The following PLAT variants were observed in gnomAD, a reference collection of about 807,000 sequenced individuals.
PLAT encodes the protein plasminogen activator, tissue type, also known as tissue-type plasminogen activator.
In PLAT, 48 loss-of-function variants were observed where a neutral mutation model predicts 74.9. The observed-to-expected ratio is 0.64, with a 90% CI of 0.51 to 0.82. The LOEUF (loss-of-function observed/expected upper bound fraction) is 0.82. Among genes scored for constraint, PLAT ranks in the 40% least tolerant of loss-of-function variants. The pLI, the probability that PLAT is intolerant of heterozygous loss-of-function variation, is 0.00. For missense variants in PLAT, 673 were observed against 736.2 expected (o/e 0.91, Z 0.99); for synonymous variants, 307 against 294.4 (o/e 1.04, Z -0.44).
intron 2 of PLAT, among the ~76,000 whole-genome samples, chr8:42,192,395 A>G (rs1805722882): frequency 6.6e-6 from 1 of 152,106 alleles, no homozygotes; most frequent in African/African-American, 2.4e-5. Context: ...AAAAATAATA[A>G]TATAAGCTGG....
chr8:42,180,555 G>A lies in PLAT; in HGVS notation c.1020C>T (p.Phe340=). The change falls in exon 10 of 14, where the codon TTC becomes TTT. Residue 340 remains phenylalanine (F), a synonymous_variant. Coordinates refer to ENST00000220809, the MANE Select transcript of PLAT (RefSeq NM_000930.5). ...AKHRRSPGER[F]LCGGILISSC... ...AGCTGATGAGTATGCCCCCGCACAGGAACCGCTCTCCGGGCGACCTCCTGT... is the reference window on the plus strand; with the variant it reads ...AGCTGATGAGTATGCCCCCGCACAGAAACCGCTCTCCGGGCGACCTCCTGT... 6.2e-7 allele frequency: 1 copy of A among 1,614,168 alleles called. No homozygotes were observed. Among genetic ancestry groups the A allele is most frequent in the Non-Finnish European group, 8.5e-7 (1 of 1,180,034 alleles).
chr8:42,183,487 G>T (rs769772962), intron 7 of PLAT, among the ~76,000 whole-genome samples: 17 of 152,124 alleles, frequency 1.1e-4, no homozygotes, highest in Non-Finnish European at 1.3e-4. Context: ...GCCAGTAGGG[G>T]TTTCCTTGTG....
intron 1 of PLAT, among the ~76,000 whole-genome samples, chr8:42,198,351 G>T (rs1396007599): frequency 6.6e-6 from 1 of 152,176 alleles, no homozygotes; most frequent in Non-Finnish European, 1.5e-5. Context: ...AATTAGCTGG[G>T]CATGGTGGCG....
In PLAT at chr8:42,180,383, T is replaced by C; in HGVS notation, c.1086-5A>G. ...GTCAGGTGGTGGGGCGGAAACCTGG[T>C]GGAGAAACAGCCTTAGAATGCTTTT... On this transcript the variant is annotated splice_region_variant and splice_polypyrimidine_tract_variant and intron_variant, in intron 10 of 13. Transcript: ENST00000220809. The C allele has an allele frequency of 6.2e-7, 1 of 1,614,144 alleles. No individual in the cohort carries two copies. The highest frequency in any genetic ancestry group is 1.7e-5 in the Admixed American group (1 of 60,034).
chr8:42,185,333 C>G (rs1386145143), intron 6 of PLAT, 161 bp from the exon 7 acceptor site: 2 of 448,280 alleles, frequency 4.5e-6, no homozygotes, highest in East Asian at 7.1e-5. Flanking sequence ...GGCGCATCTC[C>G]TCTCACTGCA....
rs61755432 is a variant in PLAT, at chr8:42,178,946, C to G, written c.1481G>C (p.Gly494Ala). ...RTVTDNMLCA[G>A]DTRSGGPQAN... is the part of the protein sequence containing the mutation. ...CTGGGGCCCGCCGCTCCGAGTGTCT[C>G]CAGCACACAGCATGTTGTCGGTGAC... is the stretch of plus-strand genomic sequence containing the variant. The change falls in exon 13 of 14, where the codon GGA becomes GCA. Residue 494 changes from glycine (G) to alanine (A), a missense_variant. Coordinates refer to ENST00000220809, the MANE Select transcript of PLAT (RefSeq NM_000930.5). 2,168 of 1,614,062 alleles carry G rather than the reference C, an allele frequency of 1.3e-3. 5 individuals carry two copies. Among genetic ancestry groups the G allele is most frequent in the Non-Finnish European group, 1.6e-3 (1,912 of 1,180,014 alleles).
At chr8:42,183,212 A>G (rs1805321718) in intron 7 of PLAT, among the ~76,000 whole-genome samples, 1 of 152,170 alleles carries the variant, frequency 6.6e-6, no homozygotes, top group East Asian at 1.9e-4. Context: ...CATGTTGGCC[A>G]GGCTGGTCTT....
At position 42,199,181 on chromosome 8, in the gene PLAT, C is replaced by T. The variant is rs750698710; in HGVS notation, c.-26-5970G>A. ...ATCACATAAGTAATTCTTAACTTTT[C>T]GAAAAGGTGATTTTCTATAGGCTAA... is the stretch of plus-strand genomic sequence containing the variant. On this transcript the variant is annotated intron_variant, in intron 1 of 13. Transcript: ENST00000220809. Among the ~76,000 whole-genome samples the T allele has an allele frequency of 3.3e-5, 5 of 152,172 alleles. No individual in the cohort carries two copies. In the East Asian group the frequency reaches 7.7e-4, roughly 23 times the overall value.
chr8:42,193,310 C>G (rs779202829), intron 1 of PLAT, 99 bp from the exon 2 acceptor site: 5 of 724,160 alleles, frequency 6.9e-6, no homozygotes, highest in Non-Finnish European at 1.2e-5. Flanking sequence ...TGGCTTCCTC[C>G]AGTGCCAGCC....
chr8:42,180,456 G>C, intron 10 of PLAT, 34 bp downstream of exon 10: 1 of 1,613,604 alleles, frequency 6.2e-7, no homozygotes, highest in East Asian at 2.2e-5. Context: ...GGCGTTAGAG[G>C]GTGGAAAAAC....
rs758336862 is a variant in PLAT, at chr8:42,180,373, G to A, written c.1091C>T (p.Pro364Leu). 3 of 1,614,212 alleles carry A rather than the reference G, an allele frequency of 1.9e-6. No individual in the cohort carries two copies. Among genetic ancestry groups the A allele is most frequent in the Non-Finnish European group, 2.5e-6 (3 of 1,180,012 alleles). Residue 364 changes from proline to leucine, a missense_variant, in exon 11 of 14, where the codon CCG (proline) becomes CTG (leucine). By Grantham distance (98) the Pro-to-Leu change is moderately conservative. Coordinates refer to ENST00000220809, the MANE Select transcript of PLAT (RefSeq NM_000930.5). ...CAAGATCACCGTCAGGTGGTGGGGCGGAAACCTGGTGGAGAAACAGCCTTA... is the reference window on the plus strand; with the variant it reads ...CAAGATCACCGTCAGGTGGTGGGGCAGAAACCTGGTGGAGAAACAGCCTTA... ...SAAHCFQERFPPHHLTVILGR... is the reference protein window; with the variant it reads ...SAAHCFQERFLPHHLTVILGR...
At chr8:42,193,349 AG>A in intron 1 of PLAT, 138 bp from the exon 2 acceptor site, 1 of 614,416 alleles carries the variant, frequency 1.6e-6, no homozygotes, top group Non-Finnish European at 2.9e-6. Flanking sequence ...ACATGCATCT[AG>A]AAGAGGATTC....
intron 4 of PLAT, 86 bp downstream of exon 4, chr8:42,188,848 C>G (rs1162235417): frequency 2.5e-6 from 3 of 1,193,654 alleles, no homozygotes; most frequent in Non-Finnish European, 3.7e-6. Flanking sequence ...TGGTCTTGAA[C>G]TCCCGGGCTC....
At chr8:42,185,049 A>G (rs1805397159) in intron 7 of PLAT, 32 bp downstream of exon 7, 7 of 1,458,688 alleles carry the variant, frequency 4.8e-6, no homozygotes, top group Non-Finnish European at 6.6e-6. Context: ...CCCCAGGGAC[A>G]TTCAGGGAAA....
Position 42,180,507 on chromosome 8 carries a change from G to A in PLAT, c.1068C>T (p.Ala356=), listed in dbSNP as rs11537821. The A allele has an allele frequency of 6.2e-7, 1 of 1,614,056 alleles. No individual in the cohort carries two copies. The highest frequency in any genetic ancestry group is 1.1e-5 in the South Asian group (1 of 91,084). ...GCCCCTACCTCTCCTGGAAGCAGTGGGCGGCAGAGAGAATCCAGCAGGAGC... is the reference window on the plus strand; with the variant it reads ...GCCCCTACCTCTCCTGGAAGCAGTGAGCGGCAGAGAGAATCCAGCAGGAGC... ...LISSCWILSA[A]HCFQERFPPH... is the part of the protein sequence containing the mutation. The change falls in exon 10 of 14, where the codon GCC becomes GCT. Residue 356 remains alanine (A), a synonymous_variant. Transcript: ENST00000220809.
chr8:42,193,044 C>T, intron 2 of PLAT, 70 bp downstream of exon 2: 1 of 1,101,002 alleles, frequency 9.1e-7, no homozygotes, highest in Non-Finnish European at 1.4e-6. Flanking sequence ...CCCAGATGGA[C>T]ACAGACCCCT....
intron 1 of PLAT, among the ~76,000 whole-genome samples, chr8:42,194,704 G>A (rs909341341): frequency 1.3e-5 from 2 of 152,156 alleles, no homozygotes; most frequent in Admixed American, 1.3e-4. Context: ...GCCTTAGACT[G>A]CTCAGGTTCC....
Position 42,187,550 on chromosome 8 carries a change from C to T in PLAT, c.387G>A (p.Glu129=), listed in dbSNP as rs1207831505. The stretch of plus-strand genomic sequence containing the variant: ...TGCCCCTGTAGCTGATGCCCTGGTC[C>T]TCGTAGCACGTGGCCCTGGTATCTG... ...CEIDTRATCY[E]DQGISYRGTW... The change falls in exon 6 of 14, where the codon GAG becomes GAA. Residue 129 remains glutamate, a synonymous_variant. Coordinates refer to ENST00000220809, the MANE Select transcript of PLAT (RefSeq NM_000930.5). 6.2e-7 allele frequency: 1 copy of T among 1,603,454 alleles called. No homozygotes were observed. Among genetic ancestry groups the T allele is most frequent in the Admixed American group, 1.7e-5 (1 of 59,630 alleles).
At chr8:42,196,783 T>C (rs1221675102) in intron 1 of PLAT, among the ~76,000 whole-genome samples, 1 of 151,170 alleles carries the variant, frequency 6.6e-6, no homozygotes, top group Non-Finnish European at 1.5e-5. Context: ...TTTTGTTCTG[T>C]GTTATCTCCC....
Sources: gnomAD v4.1 joint callset for allele counts (sites outside exome capture counted in the v4.1 genomes callset) on GRCh38, gnomAD v4.1.1 for gene constraint, MANE v1.5 for transcripts, NCBI Gene and HGNC (gene_info 2026-07-23, HGNC 2026-07-21) for gene names.